The following PFKFB3 variants were observed in gnomAD, a reference collection of about 807,000 sequenced individuals.
The protein encoded by PFKFB3 is 6-phosphofructo-2-kinase/fructose-2,6-biphosphatase 3, also known as 6-phosphofructo-2-kinase/fructose-2,6-bisphosphatase 3.
A neutral mutation model predicts 68.0 loss-of-function variants in PFKFB3; 33 were observed. That is an observed-to-expected ratio of 0.49 (90% CI 0.37 to 0.65). PFKFB3 has a LOEUF of 0.65. PFKFB3 is among the 30% of genes least tolerant of loss of function. The pLI, the probability that PFKFB3 is intolerant of heterozygous loss-of-function variation, is 0.00. For missense variants in PFKFB3, 586 were observed against 712.2 expected (o/e 0.82, Z 2.02); for synonymous variants, 315 against 288.2 (o/e 1.09, Z -0.94).
chr10:6,264,740 C>G, the PFKFB3 span, among the ~76,000 whole-genome samples: 2 of 152,138 alleles, frequency 1.3e-5, no homozygotes, highest in African/African-American at 4.8e-5. Context: ...TTCATTCTCT[C>G]TATACGTGTA....
At chr10:6,323,749 A>G in the PFKFB3 span, among the ~76,000 whole-genome samples, 1 of 152,218 alleles carries the variant, frequency 6.6e-6, no homozygotes, top group African/African-American at 2.4e-5. Context: ...TCAAAAAACC[A>G]GAAAAGAGCA....
In PFKFB3 at chr10:6,154,087, C is replaced by G. The variant is rs1263768384; in HGVS notation, c.16+9074C>G. On this transcript the variant is annotated intron_variant, in intron 1 of 14. Coordinates refer to the PFKFB3 transcript ENST00000379789. The surrounding 1 kb of genome is among the most constrained non-coding windows in gnomAD (Gnocchi z 4.6). ...TGCAGGAGGAACCTGCGGGCCAGCA[C>G]CGCTTCTGCAGGGTGAGAGGGTGGA... Among the ~76,000 whole-genome samples the G allele has an allele frequency of 6.6e-6, 1 of 152,214 alleles. No individual in the cohort carries two copies. The highest frequency in any genetic ancestry group is 1.9e-4 in the East Asian group (1 of 5,178).
chr10:6,171,459 G>T (rs146769126), intron 1 of PFKFB3, among the ~76,000 whole-genome samples: 1 of 150,738 alleles, frequency 6.6e-6, no homozygotes, highest in Non-Finnish European at 1.5e-5. Flanking sequence ...GCAGTGGCGC[G>T]ATCTTGGCTC....
At chr10:6,160,790 G>T (rs930489444) in intron 1 of PFKFB3, among the ~76,000 whole-genome samples, 2 of 149,444 alleles carry the variant, frequency 1.3e-5, no homozygotes, top group African/African-American at 4.9e-5. Context: ...AACTAGTGAA[G>T]ATATATGGAG....
At chr10:6,200,807 G>A (rs887668768), upstream of PFKFB3, among the ~76,000 whole-genome samples, 17 of 152,276 alleles carry the variant, frequency 1.1e-4, no homozygotes, top group African/African-American at 4.1e-4. Flanking sequence ...GACAGGAAAA[G>A]TGCCCGGTCT....
intron 14 of PFKFB3, chr10:6,245,839 G>T (rs1846245335): frequency 6.6e-6 from 1 of 152,204 alleles, no homozygotes; most frequent in Non-Finnish European, 1.5e-5. Context: ...GCCTGATGTG[G>T]CTCTCTTTTC....
the PFKFB3 span, among the ~76,000 whole-genome samples, chr10:6,261,928 C>T: frequency 3.8e-4 from 58 of 151,620 alleles, no homozygotes; most frequent in African/African-American, 1.2e-3. Context: ...ACTTGGGACA[C>T]GGAGGTTGCA....
intron 1 of PFKFB3, among the ~76,000 whole-genome samples, chr10:6,159,518 C>T (rs534027645): frequency 4.0e-5 from 6 of 151,572 alleles, no homozygotes; most frequent in South Asian, 2.1e-4. Flanking sequence ...TCAAGAAACC[C>T]GTCTCTACTA....
At chr10:6,166,289 C>T (rs1419596788) in intron 1 of PFKFB3, among the ~76,000 whole-genome samples, 3 of 151,866 alleles carry the variant, frequency 2.0e-5, no homozygotes, top group Non-Finnish European at 4.4e-5. Flanking sequence ...GATGGGGTTT[C>T]GTCATTTTGG....
At chr10:6,262,194 C>T in the PFKFB3 span, among the ~76,000 whole-genome samples, 2 of 151,940 alleles carry the variant, frequency 1.3e-5, no homozygotes. Context: ...GTGGCTCACG[C>T]CTGTAGTCCC....
At position 6,180,583 on chromosome 10, in the gene PFKFB3, G is replaced by A. The variant is rs564004176; in HGVS notation, c.17-33040G>A. On this transcript the variant is annotated intron_variant, in intron 1 of 14. Transcript: ENST00000379789. ...GGGCTCAAACAATCCTCTTGTGTCA[G>A]CCTCCTGAGTAGCTGAAACTACAGG... 2.6e-5 allele frequency among the ~76,000 whole-genome samples: 4 copies of A among 152,178 alleles called. No homozygotes were observed. In the East Asian group the frequency reaches 7.7e-4, roughly 29 times the overall value.
At chr10:6,236,968 C>T (rs1051252646), downstream of PFKFB3, among the ~76,000 whole-genome samples, 4 of 152,172 alleles carry the variant, frequency 2.6e-5, no homozygotes, top group Non-Finnish European at 5.9e-5. Flanking sequence ...ACACACCAGT[C>T]GTTTCCATTC....
the PFKFB3 span, among the ~76,000 whole-genome samples, chr10:6,279,621 G>A: frequency 3.9e-5 from 6 of 152,222 alleles, no homozygotes; most frequent in South Asian, 2.1e-4. Context: ...CCGTCTCTCC[G>A]GTGACCTCCT....
Position 6,171,496 on chromosome 10 carries a change from A to G in PFKFB3, c.16+26483A>G, listed in dbSNP as rs1842312055. On this transcript the variant is annotated intron_variant, in intron 1 of 14. Transcript: ENST00000379789. The stretch of plus-strand genomic sequence containing the variant: ...CTGCAGTCTCAACCTCCTGGGCTCA[A>G]GGAATCCTCCCGGCTCAGCCTCCCA... Among the ~76,000 whole-genome samples the G allele has an allele frequency of 3.3e-5, 5 of 151,876 alleles. No individual in the cohort carries two copies. The South Asian group carries it at 1.0e-3, about 32-fold the overall frequency.
At chr10:6,284,112 G>C in the PFKFB3 span, among the ~76,000 whole-genome samples, 18 of 152,188 alleles carry the variant, frequency 1.2e-4, no homozygotes, top group Non-Finnish European at 2.4e-4. Flanking sequence ...AATATGATCT[G>C]TCTTGATGAA....
chr10:6,226,262 C>T lies in PFKFB3; in HGVS notation c.1412C>T (p.Thr471Ile), dbSNP rs1205206989. 1.2e-6 allele frequency: 2 copies of T among 1,614,202 alleles called. No individual in the cohort carries two copies. The highest frequency in any genetic ancestry group is 2.2e-5 in the East Asian group (1 of 44,878). Reference sequence around the variant, plus strand: ...ACCCCGCTAGCCAGCCCCGAACCCACCAAAAAGCCTCGCATCAACAGCTTT... The same window carrying T: ...ACCCCGCTAGCCAGCCCCGAACCCATCAAAAAGCCTCGCATCAACAGCTTT... ...SVTPLASPEP[T>I]KKPRINSFEE... is the part of the protein sequence containing the mutation. The change falls in exon 14 of 15, where the codon ACC becomes ATC. Residue 471 changes from threonine to isoleucine, a missense_variant. Transcript: ENST00000379775.
the PFKFB3 span, among the ~76,000 whole-genome samples, chr10:6,307,033 G>T: frequency 9.8e-3 from 1,486 of 152,192 alleles, 32 homozygotes; most frequent in African/African-American, 0.034. Flanking sequence ...GATGTGGGTG[G>T]GCCTTGTCCA....
chr10:6,288,269 T>C, the PFKFB3 span, among the ~76,000 whole-genome samples: 1 of 150,954 alleles, frequency 6.6e-6, no homozygotes, highest in East Asian at 1.9e-4. Context: ...TAGTTACACA[T>C]GTATATATGT....
At chr10:6,211,328 G>T (rs1043204916) in intron 1 of PFKFB3, among the ~76,000 whole-genome samples, 1 of 152,174 alleles carries the variant, frequency 6.6e-6, no homozygotes, top group Non-Finnish European at 1.5e-5. Context: ...CTTCCTTGGC[G>T]TGGTTCCGAC....
Sources: gnomAD v4.1 joint callset for allele counts (sites outside exome capture counted in the v4.1 genomes callset) on GRCh38, gnomAD v4.1.1 for gene constraint, Gnocchi (gnomAD v3.1) non-coding constraint, MANE v1.5 for transcripts, NCBI Gene and HGNC (gene_info 2026-07-23, HGNC 2026-07-21) for gene names.